DCP2: variants seen among roughly 807,000 people sequenced by gnomAD.
The protein encoded by DCP2 is decapping mRNA 2, also known as m7GpppN-mRNA hydrolase.
A neutral mutation model predicts 56.1 loss-of-function variants in DCP2; 30 were observed. The observed-to-expected ratio is 0.53, with a 90% CI of 0.40 to 0.73. DCP2 has a LOEUF of 0.73. Among genes scored for constraint, DCP2 ranks in the 30% least tolerant of loss-of-function variants. The pLI, the probability that DCP2 is intolerant of heterozygous loss-of-function variation, is 0.00. For synonymous variants in DCP2, 197 were observed against 163.3 expected (o/e 1.21, Z -1.57); for missense variants, 533 against 502.7 (o/e 1.06, Z -0.58).
At chr5:113,005,151 G>GGTGTGTGTGTGT (rs56389236) in intron 8 of DCP2, among the ~76,000 whole-genome samples, 6,869 of 149,470 alleles carry the variant, frequency 0.046, 524 homozygotes, top group African/African-American at 0.15. Context: ...TGTGCGTGTG[G>GGTGTGTGTGTGT]GTGTGTGTGT....
intron 1 of DCP2, among the ~76,000 whole-genome samples, chr5:112,983,714 A>G (rs773505957): frequency 5.9e-5 from 9 of 152,242 alleles, no homozygotes; most frequent in Non-Finnish European, 1.0e-4. Flanking sequence ...AAAAGGTCAT[A>G]TACAAAACAT....
At chr5:113,005,734 C>CAA (rs976249530) in intron 8 of DCP2, among the ~76,000 whole-genome samples, 2 of 152,118 alleles carry the variant, frequency 1.3e-5, no homozygotes, top group African/African-American at 4.8e-5. Flanking sequence ...TCACAATAGC[C>CAA]AAAAGGTGGA....
rs9326869 is a variant in DCP2 at position 113,013,373 on chromosome 5, T to C, written c.1152T>C (p.Ala384=). The change falls in exon 11 of 11, where the codon GCT becomes GCC. Residue 384 remains alanine, a synonymous_variant. Transcript: ENST00000389063. ...GTGAAGACCAGTTGCTAGAACATGC[T>C]GAGGGACAGCCCGTGGCATGTAATG... ...SSSEDQLLEH[A]EGQPVACNGH... 0.76 allele frequency: 1,220,560 copies of C among 1,613,894 alleles called. 462,737 individuals are homozygous for C. The highest frequency in any genetic ancestry group is 0.86 in the African/African-American group (64,351 of 75,010).
chr5:112,985,772 T>C lies in DCP2; in HGVS notation c.54-63T>C. Reference sequence around the variant, plus strand: ...GTGGGTCAGGTATGAAGCACTTAAATAGCTTAAGATAAATCGTTATAGTTT... The same window carrying C: ...GTGGGTCAGGTATGAAGCACTTAAACAGCTTAAGATAAATCGTTATAGTTT... On this transcript the variant is annotated intron_variant, in intron 1 of 10. Coordinates refer to ENST00000389063, the MANE Select transcript of DCP2 (RefSeq NM_152624.6). The C allele has an allele frequency of 3.9e-6, 6 of 1,556,930 alleles. 1 individual carries two copies. In the South Asian group the frequency reaches 7.1e-5, roughly 18 times the overall value.
At chr5:113,003,806 C>A in intron 7 of DCP2, 136 bp from the exon 8 acceptor site, 1 of 985,842 alleles carries the variant, frequency 1.0e-6, no homozygotes, top group Non-Finnish European at 1.5e-6. Context: ...TCTCTGCTCT[C>A]ATAGAACTTA....
chr5:112,995,149 T>C (rs899237562), intron 4 of DCP2, among the ~76,000 whole-genome samples: 7 of 152,218 alleles, frequency 4.6e-5, no homozygotes, highest in African/African-American at 1.7e-4. Flanking sequence ...AAATTTGATA[T>C]GGAACAGCTT....
At chr5:112,995,522 C>G (rs890913627) in intron 4 of DCP2, among the ~76,000 whole-genome samples, 2 of 152,106 alleles carry the variant, frequency 1.3e-5, no homozygotes, top group African/African-American at 4.8e-5. Flanking sequence ...GTTGGAATAA[C>G]AAAACAGTTC....
At position 112,992,141 on chromosome 5, in the gene DCP2, T is replaced by C. The variant is rs759147215; in HGVS notation, c.226T>C (p.Leu76=). The change falls in exon 3 of 11, where the codon TTG becomes CTG. Residue 76 remains leucine (L), a synonymous_variant. Transcript: ENST00000389063. ...TATACTCTTCAGTCATTGTCCGTTT[T>C]TGCTGCCTCAAGGTGAAGATGTGGA... ...AKAVFSHCPF[L]LPQGEDVEKV... 8 of 1,613,980 alleles carry C rather than the reference T, an allele frequency of 5.0e-6. No individual in the cohort carries two copies. Among genetic ancestry groups the C allele is most frequent in the Non-Finnish European group, 1.7e-6 (2 of 1,179,976 alleles).
intron 4 of DCP2, among the ~76,000 whole-genome samples, chr5:112,995,026 G>A (rs144019690): frequency 6.6e-6 from 1 of 152,124 alleles, no homozygotes; most frequent in Non-Finnish European, 1.5e-5. Context: ...CTATTAATGA[G>A]GGATAATAGT....
chr5:113,006,841 C>T (rs1325599300), intron 8 of DCP2, among the ~76,000 whole-genome samples: 2 of 152,048 alleles, frequency 1.3e-5, no homozygotes, highest in Admixed American at 6.6e-5. Context: ...CATTTTAAAA[C>T]ATAAATCTTA....
rs976561094 is a variant in DCP2, at chr5:113,020,499, A to T, written c.*7015A>T. On this transcript the variant is annotated 3_prime_UTR_variant, in exon 11 of 11. Coordinates refer to ENST00000389063, the MANE Select transcript of DCP2 (RefSeq NM_152624.6). ...AAACACCTGTAGTGTTCACCTTGTT[A>T]TAAGAACAGAAACATTTGGAACAGG... 1 of 152,230 alleles carries T rather than the reference A, an allele frequency of 6.6e-6. No homozygotes were observed. Among genetic ancestry groups the T allele is most frequent in the Non-Finnish European group, 1.5e-5 (1 of 68,024 alleles). 9.4% of individuals were successfully genotyped at this position (152,230 alleles called of 1,614,324 possible). A position where few individuals can be genotyped will look rare whatever the true frequency, so the allele number is the denominator to read the frequency against.
chr5:112,980,771 C>A (rs528217034), intron 1 of DCP2, among the ~76,000 whole-genome samples: 1 of 152,168 alleles, frequency 6.6e-6, no homozygotes, highest in East Asian at 1.9e-4. Flanking sequence ...CTTTCCCTAC[C>A]CTTTTCTATT....
chr5:113,010,275 G>T (rs921141591), intron 9 of DCP2, among the ~76,000 whole-genome samples: 19 of 150,956 alleles, frequency 1.3e-4, no homozygotes, highest in Non-Finnish European at 2.1e-4. Context: ...TGAACTGCTG[G>T]GCTCAAGTGA....
At chr5:112,995,389 A>G (rs1006787490) in intron 4 of DCP2, among the ~76,000 whole-genome samples, 1 of 152,178 alleles carries the variant, frequency 6.6e-6, no homozygotes, top group Non-Finnish European at 1.5e-5. Context: ...GCTTATAAGG[A>G]AGGAGAAAAT....
intron 1 of DCP2, among the ~76,000 whole-genome samples, chr5:112,985,270 G>A (rs33546): frequency 6.6e-6 from 1 of 151,854 alleles, no homozygotes; most frequent in Non-Finnish European, 1.5e-5. Context: ...ATATGTAAAA[G>A]AAATATGTCT....
intron 9 of DCP2, among the ~76,000 whole-genome samples, chr5:113,010,517 AT>A (rs759418457): frequency 1.3e-5 from 2 of 152,032 alleles, no homozygotes; most frequent in African/African-American, 2.4e-5. Flanking sequence ...ATACTTGTCT[AT>A]TTTTTTGATG....
intron 8 of DCP2, 128 bp downstream of exon 8, chr5:113,004,205 CCTTA>C (rs1284078201): frequency 1.6e-5 from 17 of 1,069,882 alleles, no homozygotes; most frequent in Non-Finnish European, 2.1e-5. Flanking sequence ...CCTGTATGTT[CCTTA>C]CTTATGATTT....
chr5:113,007,639 C>A (rs370191075), intron 8 of DCP2, among the ~76,000 whole-genome samples: 1 of 151,914 alleles, frequency 6.6e-6, no homozygotes, highest in African/African-American at 2.4e-5. Context: ...CCTCGTGATC[C>A]GCCCGCCTCA....
rs1321168890 is a variant in DCP2, at chr5:113,017,721, A to C, written c.*4237A>C. The C allele has an allele frequency of 6.6e-6, 1 of 152,192 alleles. No homozygotes were observed. Among genetic ancestry groups the C allele is most frequent in the Non-Finnish European group, 1.5e-5 (1 of 68,030 alleles). The allele number at this position is 152,192 out of a possible 1,614,324, so 9.4% of individuals were successfully genotyped here. Reference sequence around the variant, plus strand: ...TAGTTGCTGGGCAAAGAGTGTAAGAAAGAAACTTTAGAGCATTTATCAATA... The same window carrying C: ...TAGTTGCTGGGCAAAGAGTGTAAGACAGAAACTTTAGAGCATTTATCAATA... On this transcript the variant is annotated 3_prime_UTR_variant, in exon 11 of 11. Transcript: ENST00000389063.
Sources: gnomAD v4.1 joint callset for allele counts (sites outside exome capture counted in the v4.1 genomes callset) on GRCh38, gnomAD v4.1.1 for gene constraint, MANE v1.5 for transcripts, NCBI Gene and HGNC (gene_info 2026-07-23, HGNC 2026-07-21) for gene names.